APBA1: variants seen among roughly 807,000 people sequenced by gnomAD.
APBA1 encodes the protein amyloid beta precursor protein binding family A member 1.
APBA1 carries 55 observed loss-of-function variants against 86.6 expected under a neutral mutation model. That is an observed-to-expected ratio of 0.64 (90% CI 0.51 to 0.80). The LOEUF is 0.80. Ranked by LOEUF, APBA1 falls within the 30% of genes least tolerant of loss-of-function variation. APBA1 has a pLI of 0.00. For synonymous variants in APBA1, 511 were observed against 493.9 expected (o/e 1.03, Z -0.46); for missense variants, 1,090 against 1,183.0 (o/e 0.92, Z 1.15).
Position 69,431,141 on chromosome 9 carries a change from GAAAAAAAA to G in APBA1, c.*178_*185del, listed in dbSNP as rs772262179. 17 of 285,142 alleles carry G rather than the reference GAAAAAAAA, an allele frequency of 6.0e-5. No individual in the cohort carries two copies. The highest frequency in any genetic ancestry group is 6.9e-4 in the Middle Eastern group (1 of 1,444). 17.7% of individuals were successfully genotyped at this position (285,142 alleles called of 1,614,324 possible). On this transcript the variant is annotated 3_prime_UTR_variant, in exon 13 of 13. Transcript: ENST00000265381. ...GTGCATACGAAACTTCCCTGGTATTGAAAAAAAAAAAAAAAAAAAAGCAAATCGGAGAG... is the reference window on the plus strand; with the variant it reads ...GTGCATACGAAACTTCCCTGGTATTGAAAAAAAAAAAAGCAAATCGGAGAG...
chr9:69,455,204 C>T (rs1400626416), intron 8 of APBA1, among the ~76,000 whole-genome samples: 1 of 152,154 alleles, frequency 6.6e-6, no homozygotes, highest in Non-Finnish European at 1.5e-5. Flanking sequence ...ATCTTCTCTT[C>T]CCAGATCAGG....
At chr9:69,458,074 C>A in intron 6 of APBA1, 82 bp downstream of exon 6, 1 of 1,386,992 alleles carries the variant, frequency 7.2e-7, no homozygotes, top group Non-Finnish European at 9.8e-7. Context: ...AAAACAAAAA[C>A]ACGAAAATAT....
At chr9:69,667,519 C>T (rs1397082866) in intron 1 of APBA1, among the ~76,000 whole-genome samples, 1 of 150,886 alleles carries the variant, frequency 6.6e-6, no homozygotes, top group Non-Finnish European at 1.5e-5. Context: ...CCTTTCTTTC[C>T]ACCTCAAAAT....
At chr9:69,535,714 T>G (rs1431328841) in intron 1 of APBA1, among the ~76,000 whole-genome samples, 4 of 152,182 alleles carry the variant, frequency 2.6e-5, no homozygotes, top group Non-Finnish European at 5.9e-5. Flanking sequence ...GTATGCTCTG[T>G]TCTATTTCCT....
intron 5 of APBA1, chr9:69,463,681 A>G (rs951324085): frequency 6.6e-6 from 1 of 152,170 alleles, no homozygotes; most frequent in Non-Finnish European, 1.5e-5. Flanking sequence ...ATCCAGTCAC[A>G]TCCATCTGGT....
chr9:69,606,141 T>C (rs1327461308), intron 1 of APBA1, among the ~76,000 whole-genome samples: 2 of 152,246 alleles, frequency 1.3e-5, no homozygotes, highest in Non-Finnish European at 2.9e-5. Flanking sequence ...AAGCAAATAC[T>C]GTTCTTCCTC....
intron 1 of APBA1, among the ~76,000 whole-genome samples, chr9:69,622,145 C>T (rs1050235624): frequency 2.6e-5 from 4 of 152,196 alleles, no homozygotes; most frequent in Admixed American, 6.5e-5. Context: ...GGGGATGTCA[C>T]CCATATGTGA....
intron 2 of APBA1, among the ~76,000 whole-genome samples, chr9:69,512,375 T>G (rs1001601872): frequency 6.6e-6 from 1 of 152,160 alleles, no homozygotes; most frequent in Non-Finnish European, 1.5e-5. Flanking sequence ...AAAAAGCACT[T>G]AAGTTCTGGG....
intron 1 of APBA1, among the ~76,000 whole-genome samples, chr9:69,583,020 T>C (rs529978525): frequency 6.6e-6 from 1 of 152,192 alleles, no homozygotes; most frequent in African/African-American, 2.4e-5. Context: ...ATGTGTGTTC[T>C]GAGCTAAGGA....
intron 2 of APBA1, among the ~76,000 whole-genome samples, chr9:69,486,835 T>A (rs1425370826): frequency 1.3e-5 from 2 of 151,396 alleles, no homozygotes; most frequent in Non-Finnish European, 2.9e-5. Flanking sequence ...TCCTACTCTC[T>A]GCCCCGGGAG....
intron 1 of APBA1, among the ~76,000 whole-genome samples, chr9:69,550,509 T>C (rs1836767123): frequency 6.6e-6 from 1 of 152,244 alleles, no homozygotes; most frequent in Admixed American, 6.5e-5. Context: ...TCATGTATTA[T>C]GGTAGAGGGT....
intron 5 of APBA1, 92 bp from the exon 6 acceptor site, chr9:69,458,280 G>A (rs999959767): frequency 5.2e-5 from 61 of 1,176,490 alleles, no homozygotes; most frequent in Middle Eastern, 2.0e-4. Flanking sequence ...AACTAATACT[G>A]AATAGTGGCA....
intron 6 of APBA1, among the ~76,000 whole-genome samples, chr9:69,457,732 C>T (rs1031288934): frequency 3.3e-5 from 5 of 152,160 alleles, no homozygotes; most frequent in Non-Finnish European, 5.9e-5. Flanking sequence ...AACCAAAAAG[C>T]GCAGTCTGGT....
intron 7 of APBA1, among the ~76,000 whole-genome samples, chr9:69,456,654 A>G (rs974901482): frequency 6.6e-6 from 1 of 152,184 alleles, no homozygotes; most frequent in Non-Finnish European, 1.5e-5. Flanking sequence ...GTGAAAAGAA[A>G]TAAGAAATTC....
At position 69,449,719 on chromosome 9, in the gene APBA1, G is replaced by A. The variant is rs981233867; in HGVS notation, c.2046C>T (p.Thr682=). 19 of 1,613,930 alleles carry A rather than the reference G, an allele frequency of 1.2e-5. No individual in the cohort carries two copies. Among genetic ancestry groups the A allele is most frequent in the Admixed American group, 1.7e-5 (1 of 60,004 alleles). The change falls in exon 10 of 13, where the codon ACC becomes ACT. Residue 682 remains threonine, a synonymous_variant. Transcript: ENST00000265381. The part of the protein sequence containing the change: ...VESGWGSILP[T]VIIANMMHGG... ...CATGCATCATGTTGGCAATGATCAC[G>A]GTGGGGAGGATGGATCCCCAGCCAG...
chr9:69,587,053 C>T (rs916450308), intron 1 of APBA1, among the ~76,000 whole-genome samples: 1 of 152,162 alleles, frequency 6.6e-6, no homozygotes, highest in Non-Finnish European at 1.5e-5. Flanking sequence ...GTTGATAAAT[C>T]TTATATGCTG....
intron 1 of APBA1, among the ~76,000 whole-genome samples, chr9:69,521,642 C>T (rs115707635): frequency 0.015 from 2,324 of 152,112 alleles, 52 homozygotes; most frequent in African/African-American, 0.053. Flanking sequence ...AACAGAGTAA[C>T]GCCATAGAAA....
intron 2 of APBA1, among the ~76,000 whole-genome samples, chr9:69,482,114 G>C (rs1835520733): frequency 6.6e-6 from 1 of 151,826 alleles, no homozygotes; most frequent in Non-Finnish European, 1.5e-5. Context: ...AGCCAAAATG[G>C]ACAAATGGGA....
chr9:69,452,402 A>G (rs1371736160), intron 8 of APBA1, 101 bp from the exon 9 acceptor site: 20 of 1,181,252 alleles, frequency 1.7e-5, no homozygotes, highest in Non-Finnish European at 2.2e-5. Context: ...CTGGAGTCTG[A>G]GGAAACCCTA....
Sources: allele counts gnomAD v4.1 joint callset (sites outside exome capture counted in the v4.1 genomes callset), GRCh38; gene constraint gnomAD v4.1.1; transcripts MANE v1.5; gene names NCBI Gene and HGNC (gene_info 2026-07-23, HGNC 2026-07-21).